GADL1: variants seen among roughly 807,000 people sequenced by gnomAD.
GADL1 encodes acidic amino acid decarboxylase GADL1.
Under a neutral mutation model 69.5 loss-of-function variants are expected in GADL1, and 71 were observed. The ratio of observed to expected loss-of-function variants is 1.02; its 90% CI spans 0.84 to 1.25. The LOEUF (loss-of-function observed/expected upper bound fraction) is 1.25. GADL1 is among the 50% of genes most tolerant of loss of function. The pLI is 0.00. For missense variants in GADL1, 737 were observed against 631.8 expected, an observed-to-expected ratio of 1.17 and a Z score of -1.79; for synonymous variants, 254 against 214.4, an observed-to-expected ratio of 1.18 and a Z score of -1.62.
chr3:30,736,262 C>T (rs1695540165), intron 14 of GADL1, among the ~76,000 whole-genome samples: 1 of 152,054 alleles, frequency 6.6e-6, no homozygotes, highest in African/African-American at 2.4e-5. Context: ...TTAGACCGAC[C>T]ATACACAGAC....
intron 14 of GADL1, among the ~76,000 whole-genome samples, chr3:30,770,926 A>G (rs1696405826): frequency 6.6e-6 from 1 of 152,216 alleles, no homozygotes; most frequent in Admixed American, 6.5e-5. Context: ...AAACACATCT[A>G]TGAAAATGTT....
At chr3:30,808,890 A>G (rs1169814645) in intron 11 of GADL1, among the ~76,000 whole-genome samples, 2 of 152,090 alleles carry the variant, frequency 1.3e-5, no homozygotes, top group Non-Finnish European at 2.9e-5. Flanking sequence ...ATAATTCGAA[A>G]ACTCACCATC....
At position 30,834,213 on chromosome 3, in the gene GADL1, T is replaced by C. The variant is rs748868178; in HGVS notation, c.968+4A>G. On this transcript the variant is annotated splice_donor_region_variant and intron_variant, in intron 10 of 14. Coordinates refer to ENST00000282538, the MANE Select transcript of GADL1 (RefSeq NM_207359.3). ...TTGGCTGTACACCAGGAAACTACAT[T>C]TACCTGTGGATGCCATGCAGAAGCT... The C allele has an allele frequency of 6.2e-6, 10 of 1,611,888 alleles. No homozygotes were observed. Among genetic ancestry groups the C allele is most frequent in the African/African-American group, 5.3e-5 (4 of 74,786 alleles).
chr3:30,861,494 A>G, intron 2 of GADL1, 99 bp downstream of exon 2: 1 of 812,408 alleles, frequency 1.2e-6, no homozygotes, highest in East Asian at 2.7e-5. Flanking sequence ...AGAAGAAATA[A>G]AAACTTGGCC....
At chr3:30,735,054 T>C (rs1272449184) in intron 14 of GADL1, among the ~76,000 whole-genome samples, 1 of 152,186 alleles carries the variant, frequency 6.6e-6, no homozygotes, top group Non-Finnish European at 1.5e-5. Flanking sequence ...TTAGGTAAAA[T>C]GATCTGATTT....
At chr3:30,875,536 C>T (rs1018713455) in intron 1 of GADL1, among the ~76,000 whole-genome samples, 3 of 151,862 alleles carry the variant, frequency 2.0e-5, no homozygotes, top group Admixed American at 1.3e-4. Context: ...TATCAGATGT[C>T]GCACACAACA....
At chr3:30,755,988 A>G (rs776972655) in intron 14 of GADL1, among the ~76,000 whole-genome samples, 2 of 152,086 alleles carry the variant, frequency 1.3e-5, no homozygotes, top group Admixed American at 6.5e-5. Context: ...CAGCTGCTTG[A>G]TAGTTCACAC....
chr3:30,759,060 G>A (rs985889642), intron 14 of GADL1, among the ~76,000 whole-genome samples: 1 of 134,178 alleles, frequency 7.5e-6, no homozygotes, highest in Non-Finnish European at 1.6e-5. Flanking sequence ...GAGTCATAAT[G>A]ATTAAAAATC....
At position 30,866,688 on chromosome 3, in the gene GADL1, C is replaced by T. The variant is rs550436153; in HGVS notation, c.38-4923G>A. On this transcript the variant is annotated intron_variant, in intron 1 of 14. Transcript: ENST00000282538. ...AGAGCTTCCTCCACCATGTTCAGAA[C>T]GCAAGATGGTAGCTGAGTAGTTCAG... 9.9e-5 allele frequency among the ~76,000 whole-genome samples: 15 copies of T among 152,110 alleles called. No individual in the cohort carries two copies. In the East Asian group the frequency reaches 1.4e-3, roughly 14 times the overall value.
chr3:30,762,103 A>G (rs1022366736), intron 14 of GADL1, among the ~76,000 whole-genome samples: 1 of 152,096 alleles, frequency 6.6e-6, no homozygotes, highest in African/African-American at 2.4e-5. Context: ...CTGCTTAGGA[A>G]CCCATGTTTT....
rs572657182 is a variant in GADL1 at position 30,762,950 on chromosome 3, T to C, written c.1392+15229A>G. 6.6e-5 allele frequency among the ~76,000 whole-genome samples: 10 copies of C among 152,336 alleles called. No homozygotes were observed. In the South Asian group the frequency reaches 2.1e-3, roughly 32 times the overall value. ...TATGGTTGACTAGTATTCCATTGTG[T>C]ATATGTACCATACTTTATCTGTAGA... On this transcript the variant is annotated intron_variant, in intron 14 of 14. Transcript: ENST00000282538.
At chr3:30,817,831 T>A (rs1315666936) in intron 11 of GADL1, among the ~76,000 whole-genome samples, 1 of 152,178 alleles carries the variant, frequency 6.6e-6, no homozygotes, top group Non-Finnish European at 1.5e-5. Context: ...AAAGGACATA[T>A]AATAGTCATA....
chr3:30,819,792 AAAT>A (rs1198574806), intron 11 of GADL1, among the ~76,000 whole-genome samples: 2 of 152,094 alleles, frequency 1.3e-5, no homozygotes, highest in African/African-American at 4.8e-5. Flanking sequence ...AATGAGATAA[AAAT>A]AAGGACATGG....
At chr3:30,775,521 T>A (rs552258517) in intron 14 of GADL1, among the ~76,000 whole-genome samples, 2 of 151,122 alleles carry the variant, frequency 1.3e-5, no homozygotes, top group Non-Finnish European at 2.9e-5. Flanking sequence ...AGGGAGAGAA[T>A]GATAGGAAAT....
At chr3:30,876,308 C>T (rs564932685) in intron 1 of GADL1, among the ~76,000 whole-genome samples, 1 of 152,100 alleles carries the variant, frequency 6.6e-6, no homozygotes, top group South Asian at 2.1e-4. Flanking sequence ...TGATTGTAAC[C>T]CCTATTTTCC....
rs1696841824 is a variant in GADL1 at position 30,788,319 on chromosome 3, A to G, written c.1251-1913T>C. Among the ~76,000 whole-genome samples, 3 of 152,344 alleles carry G rather than the reference A, an allele frequency of 2.0e-5. No homozygotes were observed. The South Asian group carries it at 6.2e-4, about 32-fold the overall frequency. Reference sequence around the variant, plus strand: ...AGTGAATGCTGCAGGAAAGTTCCTCAGTGTATATAAAGGTTACATTTACAG... The same window carrying G: ...AGTGAATGCTGCAGGAAAGTTCCTCGGTGTATATAAAGGTTACATTTACAG... On this transcript the variant is annotated intron_variant, in intron 12 of 14. Transcript: ENST00000282538.
chr3:30,821,227 C>T (rs1170839777), intron 11 of GADL1, among the ~76,000 whole-genome samples: 1 of 151,692 alleles, frequency 6.6e-6, no homozygotes, highest in African/African-American at 2.4e-5. Flanking sequence ...ATACCTAATG[C>T]TAAATGACGA....
In GADL1 at chr3:30,844,474, CA is replaced by C. The variant is rs1698022972; in HGVS notation, c.652-9del. 6.3e-7 allele frequency: 1 copy of C among 1,580,316 alleles called. No homozygotes were observed. The highest frequency in any genetic ancestry group is 8.7e-7 in the Non-Finnish European group (1 of 1,149,500). On this transcript the variant is annotated splice_polypyrimidine_tract_variant and intron_variant, in intron 6 of 14. Coordinates refer to ENST00000282538, the MANE Select transcript of GADL1 (RefSeq NM_207359.3). ...CTTCATAGAGTAATGACACTGAATT[CA>C]AAGGGACAGTGGGGAAGGGGGAGAC... is the stretch of plus-strand genomic sequence containing the variant.
chr3:30,836,210 TCTA>T (rs1048834155), intron 9 of GADL1, among the ~76,000 whole-genome samples: 1 of 151,930 alleles, frequency 6.6e-6, no homozygotes, highest in African/African-American at 2.4e-5. Flanking sequence ...ACCCTACACT[TCTA>T]CTCCTTCATG....
Sources: gnomAD v4.1 joint callset for allele counts (sites outside exome capture counted in the v4.1 genomes callset) on GRCh38, gnomAD v4.1.1 for gene constraint, MANE v1.5 for transcripts, NCBI Gene and HGNC (gene_info 2026-07-23, HGNC 2026-07-21) for gene names.